BUB1: variants seen among roughly 807,000 people sequenced by gnomAD.
BUB1 encodes the protein BUB1 mitotic checkpoint serine/threonine kinase, also known as mitotic checkpoint serine/threonine-protein kinase BUB1.
A neutral mutation model predicts 135.2 loss-of-function variants in BUB1; 84 were observed. The observed-to-expected ratio is 0.62, with a 90% CI of 0.52 to 0.74. BUB1 has a LOEUF of 0.74. Ranked by LOEUF, BUB1 falls within the 30% of genes least tolerant of loss-of-function variation. The pLI is 0.00. For missense variants in BUB1, 1,162 were observed against 1,288.3 expected (o/e 0.90, Z 1.50); for synonymous variants, 403 against 434.4 (o/e 0.93, Z 0.90).
rs749303748 is a variant in BUB1 at position 110,661,578 on chromosome 2, T to C, written c.1217+4A>G. 6.2e-7 allele frequency: 1 copy of C among 1,613,584 alleles called. No homozygotes were observed. Among genetic ancestry groups the C allele is most frequent in the Non-Finnish European group, 8.5e-7 (1 of 1,179,746 alleles). ...TGTGATCTCTAGGACTACCTTCAGC[T>C]TACCCAGCATCTTTGCTGGCCACTG... On this transcript the variant is annotated splice_donor_region_variant and intron_variant, in intron 10 of 24. Coordinates refer to ENST00000302759, the MANE Select transcript of BUB1 (RefSeq NM_004336.5).
At chr2:110,650,823 A>G in intron 17 of BUB1, 39 bp from the exon 18 acceptor site, 1 of 1,534,872 alleles carries the variant, frequency 6.5e-7, no homozygotes, top group Non-Finnish European at 9.0e-7. Flanking sequence ...AAAACACCAC[A>G]TGATTAGAAA....
At chr2:110,670,096 G>A (rs1156390612) in intron 5 of BUB1, among the ~76,000 whole-genome samples, 1 of 146,250 alleles carries the variant, frequency 6.8e-6, no homozygotes, top group Non-Finnish European at 1.5e-5. Context: ...ACCTGAGAGT[G>A]CAATTTGGTT....
chr2:110,642,177 T>A lies in BUB1; in HGVS notation c.2405A>T (p.Tyr802Phe). The A allele has an allele frequency of 6.2e-7, 1 of 1,613,864 alleles. No homozygotes were observed. Among genetic ancestry groups the A allele is most frequent in the Non-Finnish European group, 8.5e-7 (1 of 1,179,882 alleles). ...ATTCAGATCTCCCTGGGTAGCTTCG[T>A]ACACCTGGGCAAAGGCTCCTTCTCC... ...LLGEGAFAQVYEATQGDLNDA... is the reference protein window; with the variant it reads ...LLGEGAFAQVFEATQGDLNDA... The change falls in exon 20 of 25, where the codon TAC (tyrosine) becomes TTC (phenylalanine). Residue 802 changes from tyrosine to phenylalanine, a missense_variant. Coordinates refer to ENST00000302759, the MANE Select transcript of BUB1 (RefSeq NM_004336.5).
chr2:110,653,619 T>C (rs1689842816), intron 16 of BUB1, 96 bp from the exon 17 acceptor site: 3 of 960,838 alleles, frequency 3.1e-6, no homozygotes, highest in Non-Finnish European at 3.2e-6. Context: ...GGATTTCTTT[T>C]GACACTGACT....
chr2:110,657,497 C>T, intron 14 of BUB1, 49 bp downstream of exon 14: 1 of 1,409,952 alleles, frequency 7.1e-7, no homozygotes. Context: ...CACCTCTGGT[C>T]CCAGAGAAAA....
intron 4 of BUB1, among the ~76,000 whole-genome samples, chr2:110,671,417 T>C (rs1032159055): frequency 6.6e-6 from 1 of 152,216 alleles, no homozygotes; most frequent in South Asian, 2.1e-4. Flanking sequence ...GGAAGTTTAT[T>C]ATACTAATTT....
Position 110,674,128 on chromosome 2 carries a change from T to C in BUB1, c.183A>G (p.Lys61=), listed in dbSNP as rs1690507035. 1 of 1,563,144 alleles carries C rather than the reference T, an allele frequency of 6.4e-7. No homozygotes were observed. The highest frequency in any genetic ancestry group is 1.4e-5 in the African/African-American group (1 of 73,780). Residue 61 remains lysine, a synonymous_variant, in exon 3 of 25, where the codon AAA becomes AAG. Transcript: ENST00000302759. The part of the protein sequence containing the change: ...HLMKEFLDKK[K]YHNDPRFISY... ...TGATGAATCTTGGGTCATTGTGGTA[T>C]TTCTTCTTATCTAAAAATTCCTTCA...
At chr2:110,672,567 T>G in intron 4 of BUB1, 94 bp downstream of exon 4, 1 of 1,333,936 alleles carries the variant, frequency 7.5e-7, no homozygotes, top group Admixed American at 2.7e-5. Flanking sequence ...ACTAGAAGGA[T>G]TTCCCTGTAC....
At chr2:110,655,592 T>C in intron 16 of BUB1, 147 bp downstream of exon 16, 1 of 762,860 alleles carries the variant, frequency 1.3e-6, no homozygotes. Context: ...AAAAATACAA[T>C]GAACAGATTT....
Position 110,674,257 on chromosome 2 carries a change from G to C in BUB1, c.87-33C>G, listed in dbSNP as rs749106813. The stretch of plus-strand genomic sequence containing the variant: ...AATATGGATAATGTTAATTTTCCAT[G>C]GGGCAGTGTATAGTTTGTTTAAGGG... On this transcript the variant is annotated intron_variant, in intron 2 of 24. Transcript: ENST00000302759. 29 of 1,612,116 alleles carry C rather than the reference G, an allele frequency of 1.8e-5. No individual in the cohort carries two copies. The South Asian group carries it at 3.1e-4, about 17-fold the overall frequency.
chr2:110,650,690 G>A lies in BUB1; in HGVS notation c.2059C>T (p.Leu687Phe), dbSNP rs909749796. 30 of 1,613,908 alleles carry A rather than the reference G, an allele frequency of 1.9e-5. No homozygotes were observed. Among genetic ancestry groups the A allele is most frequent in the Middle Eastern group, 1.6e-4 (1 of 6,080 alleles). ...ACGCCCAACTCTGCCTCACAGGTAA[G>A]TACCCCACCTGCAGCAGGCTGGCTC... ...RLSQPAAGGV[L>F]TCEAELGVEA... The change falls in exon 18 of 25, where the codon CTT becomes TTT. Residue 687 changes from leucine to phenylalanine, a missense_variant. Physicochemically the swap from Leu to Phe is conservative, Grantham distance 22. Transcript: ENST00000302759.
At chr2:110,661,972 A>G in intron 9 of BUB1, 131 bp from the exon 10 acceptor site, 1 of 1,083,894 alleles carries the variant, frequency 9.2e-7, no homozygotes, top group Non-Finnish European at 1.3e-6. Context: ...GTTTCCCCAT[A>G]CTCCTTCTTC....
At position 110,666,279 on chromosome 2, in the gene BUB1, G is replaced by A. The variant is rs1338126504; in HGVS notation, c.941C>T (p.Ser314Phe). The A allele has an allele frequency of 3.5e-6, 5 of 1,445,112 alleles. No homozygotes were observed. In the African/African-American group the frequency reaches 4.3e-5, roughly 13 times the overall value. The allele number at this position is 1,445,112 out of a possible 1,614,324, so 89.5% of individuals were successfully genotyped here. A position where few individuals can be genotyped will look rare whatever the true frequency, so the allele number is the denominator to read the frequency against. The change falls in exon 9 of 25, where the codon TCC becomes TTC. Residue 314 changes from serine (S) to phenylalanine (F), a missense_variant. Coordinates refer to ENST00000302759, the MANE Select transcript of BUB1 (RefSeq NM_004336.5). ...VETSHEDLPA[S>F]QERSEVNPAR... ...ACAACATACCTCGGACCTTTCCTGG[G>A]AAGCGGGCAGATCCTCATGGGATGT...
At chr2:110,645,749 GT>G (rs1471040520) in intron 19 of BUB1, among the ~76,000 whole-genome samples, 1 of 151,918 alleles carries the variant, frequency 6.6e-6, no homozygotes, top group African/African-American at 2.4e-5. Context: ...AAAAATATTT[GT>G]AGAGACAAGG....
chr2:110,639,068 G>T (rs552492698), intron 24 of BUB1, among the ~76,000 whole-genome samples: 59 of 151,902 alleles, frequency 3.9e-4, no homozygotes, highest in Non-Finnish European at 7.9e-4. Flanking sequence ...ATGTTTTTAT[G>T]CCTCAAAAAA....
intron 10 of BUB1, among the ~76,000 whole-genome samples, chr2:110,660,373 T>A (rs1690049921): frequency 6.6e-6 from 1 of 150,558 alleles, no homozygotes; most frequent in Non-Finnish European, 1.5e-5. Context: ...CGAGACTCCA[T>A]CTCAAAACAA....
intron 9 of BUB1, among the ~76,000 whole-genome samples, chr2:110,662,444 G>C (rs1371734311): frequency 6.6e-6 from 1 of 152,142 alleles, no homozygotes. Context: ...ATGCTTTAGT[G>C]TTACAAAGTT....
chr2:110,658,755 T>C lies in BUB1; in HGVS notation c.1277-13A>G. 1 of 1,613,904 alleles carries C rather than the reference T, an allele frequency of 6.2e-7. No homozygotes were observed. Among genetic ancestry groups the C allele is most frequent in the African/African-American group, 1.3e-5 (1 of 75,012 alleles). On this transcript the variant is annotated splice_polypyrimidine_tract_variant and intron_variant, in intron 11 of 24. Transcript: ENST00000302759. ...TGTGTTTCACACCCTAGCAAAGAAA[T>C]GGAGACAAAATGTGGTATCAGTAGG... is the stretch of plus-strand genomic sequence containing the variant.
chr2:110,667,898 C>CTTCA (rs768854366), intron 6 of BUB1, 49 bp from the exon 7 acceptor site: 24 of 1,574,170 alleles, frequency 1.5e-5, no homozygotes, highest in Middle Eastern at 1.7e-4. Context: ...GAGAAGAAAG[C>CTTCA]TTCACCCAAA....
Sources: gnomAD v4.1 joint callset for allele counts (sites outside exome capture counted in the v4.1 genomes callset) on GRCh38, gnomAD v4.1.1 for gene constraint, MANE v1.5 for transcripts, NCBI Gene and HGNC (gene_info 2026-07-23, HGNC 2026-07-21) for gene names.